MAGI2: variants seen among roughly 807,000 people sequenced by gnomAD.
MAGI2 encodes the protein membrane associated guanylate kinase, WW and PDZ domain containing 2.
In MAGI2, 35 loss-of-function variants were observed where a neutral mutation model predicts 133.3. The ratio of observed to expected loss-of-function variants is 0.26; its 90% CI spans 0.20 to 0.35. The LOEUF (loss-of-function observed/expected upper bound fraction) is 0.35. MAGI2 is among the 10% of genes least tolerant of loss of function. The pLI is 1.00. For missense variants in MAGI2, 1,636 were observed against 1,863.4 expected (o/e 0.88, Z 2.25); for synonymous variants, 729 against 710.6 (o/e 1.03, Z -0.41).
intron 1 of MAGI2, among the ~76,000 whole-genome samples, chr7:79,387,904 G>A (rs1167497642): frequency 6.6e-6 from 1 of 151,590 alleles, no homozygotes; most frequent in Non-Finnish European, 1.5e-5. Context: ...TGATTTAAAC[G>A]ACCTGATTTA....
At chr7:79,436,868 T>C (rs1048856405) in intron 1 of MAGI2, among the ~76,000 whole-genome samples, 1 of 152,120 alleles carries the variant, frequency 6.6e-6, no homozygotes, top group Non-Finnish European at 1.5e-5. Flanking sequence ...CAAAAATAGA[T>C]TGTTCTATCA....
intron 1 of MAGI2, among the ~76,000 whole-genome samples, chr7:79,272,830 C>G (rs1013278042): frequency 6.6e-6 from 1 of 152,040 alleles, no homozygotes; most frequent in Non-Finnish European, 1.5e-5. Context: ...TCCTGCTCCT[C>G]TTTACATTTT....
intron 1 of MAGI2, among the ~76,000 whole-genome samples, chr7:79,192,727 A>G (rs1177191490): frequency 6.6e-6 from 1 of 151,852 alleles, no homozygotes; most frequent in African/African-American, 2.4e-5. Flanking sequence ...GAGAGATACA[A>G]AGAGGACAAA....
At chr7:79,275,901 G>GT (rs1563070107) in intron 1 of MAGI2, among the ~76,000 whole-genome samples, 1 of 152,146 alleles carries the variant, frequency 6.6e-6, no homozygotes. Flanking sequence ...TAAGCCCAAT[G>GT]TTTGAGACCT....
At chr7:78,938,984 A>G (rs1800761242) in intron 2 of MAGI2, among the ~76,000 whole-genome samples, 1 of 152,090 alleles carries the variant, frequency 6.6e-6, no homozygotes, top group Admixed American at 6.6e-5. Flanking sequence ...TAAGATCCCC[A>G]CATATAATCG....
At chr7:78,194,853 T>C (rs1170593888) in intron 12 of MAGI2, 21 bp downstream of exon 12, 1 of 1,568,736 alleles carries the variant, frequency 6.4e-7, no homozygotes, top group East Asian at 2.3e-5. Context: ...TGTACCCTTG[T>C]TTCATGTGGC....
At chr7:79,158,183 T>A (rs1214649225) in intron 1 of MAGI2, among the ~76,000 whole-genome samples, 1 of 151,974 alleles carries the variant, frequency 6.6e-6, no homozygotes, top group African/African-American at 2.4e-5. Context: ...AACAGGTTAT[T>A]AAGAATTTAG....
At chr7:79,445,763 C>G (rs949490383) in intron 1 of MAGI2, among the ~76,000 whole-genome samples, 4 of 152,300 alleles carry the variant, frequency 2.6e-5, no homozygotes, top group Admixed American at 6.5e-5. Context: ...TGTGGCAATT[C>G]CTCAGGGATC....
chr7:79,192,360 AAATACTTT>A (rs1161032066), intron 1 of MAGI2, among the ~76,000 whole-genome samples: 3 of 151,946 alleles, frequency 2.0e-5, no homozygotes, highest in South Asian at 2.1e-4. Flanking sequence ...GGCATTTAAG[AAATACTTT>A]AATAAATAAA....
At chr7:78,997,565 G>A (rs967965625) in intron 2 of MAGI2, among the ~76,000 whole-genome samples, 1 of 148,374 alleles carries the variant, frequency 6.7e-6, no homozygotes, top group Non-Finnish European at 1.5e-5. Context: ...TCGTGCCATT[G>A]CACTCCAGCC....
chr7:78,583,019 TTATTA>T (rs1252934002), intron 3 of MAGI2, among the ~76,000 whole-genome samples: 2 of 152,214 alleles, frequency 1.3e-5, no homozygotes, highest in African/African-American at 4.8e-5. Context: ...TGTGATTCTT[TTATTA>T]TAAGTGAAAA....
chr7:78,832,678 C>T (rs1791291892), intron 2 of MAGI2, among the ~76,000 whole-genome samples: 1 of 152,108 alleles, frequency 6.6e-6, no homozygotes, highest in South Asian at 2.1e-4. Flanking sequence ...TAAGGAGACC[C>T]CTGAAACTAT....
At chr7:79,308,818 C>T (rs1345245602) in intron 1 of MAGI2, among the ~76,000 whole-genome samples, 1 of 152,018 alleles carries the variant, frequency 6.6e-6, no homozygotes, top group Non-Finnish European at 1.5e-5. Flanking sequence ...CATTTCTTTT[C>T]TTAAGAAAAT....
chr7:79,149,482 C>T (rs1822985216), intron 1 of MAGI2, among the ~76,000 whole-genome samples: 1 of 152,016 alleles, frequency 6.6e-6, no homozygotes, highest in Non-Finnish European at 1.5e-5. Context: ...CGCAGATATG[C>T]AATGGAGCAG....
chr7:79,214,389 CTCTCTCTCTCTCTCTCTCTATATATA>C (rs1563003084), intron 1 of MAGI2, among the ~76,000 whole-genome samples: 1 of 92,748 alleles, frequency 1.1e-5, no homozygotes, highest in East Asian at 3.3e-4. Context: ...CTCTCTCTCT[CTCTCTCTCTCTCTCTCTCTATATATA>C]TATATATATA....
At chr7:78,762,666 T>G (rs1415843831) in intron 2 of MAGI2, among the ~76,000 whole-genome samples, 1 of 152,162 alleles carries the variant, frequency 6.6e-6, no homozygotes, top group African/African-American at 2.4e-5. Flanking sequence ...AGAAAATGAC[T>G]CCGTTTTGGG....
intron 16 of MAGI2, among the ~76,000 whole-genome samples, chr7:78,136,310 C>T (rs545982838): frequency 5.1e-4 from 78 of 152,098 alleles, no homozygotes; most frequent in Non-Finnish European, 8.7e-4. Context: ...TTAGTAGAGT[C>T]GGGGTTTCAC....
chr7:78,448,232 G>A (rs1356649399), intron 6 of MAGI2, among the ~76,000 whole-genome samples: 1 of 151,970 alleles, frequency 6.6e-6, no homozygotes, highest in Non-Finnish European at 1.5e-5. Context: ...GTGCTGCAGC[G>A]AACATGGAAA....
chr7:78,650,354 T>C (rs1261369549), intron 2 of MAGI2, among the ~76,000 whole-genome samples: 5 of 152,148 alleles, frequency 3.3e-5, no homozygotes, highest in Admixed American at 3.3e-4. Context: ...TAGACAGGCA[T>C]CCAGGGCTAT....
Sources: gnomAD v4.1 joint callset for allele counts (sites outside exome capture counted in the v4.1 genomes callset) on GRCh38, gnomAD v4.1.1 for gene constraint, MANE v1.5 for transcripts, NCBI Gene and HGNC (gene_info 2026-07-23, HGNC 2026-07-21) for gene names.